MYO10: variants seen among roughly 807,000 people sequenced by gnomAD.
The protein encoded by MYO10 is unconventional myosin-X.
A neutral mutation model predicts 257.3 loss-of-function variants in MYO10; 133 were observed. The observed-to-expected ratio is 0.52, with a 90% CI of 0.45 to 0.60. The LOEUF (loss-of-function observed/expected upper bound fraction) is 0.60, where lower values mean the gene tolerates loss of function less well. Ranked by LOEUF, MYO10 falls within the 20% of genes least tolerant of loss-of-function variation. MYO10 has a pLI of 0.00. For synonymous variants in MYO10, 1,104 were observed against 1,028.6 expected (o/e 1.07, Z -1.40); for missense variants, 2,399 against 2,635.7 (o/e 0.91, Z 1.97).
chr5:16,906,832 C>G (rs973532395), intron 1 of MYO10, among the ~76,000 whole-genome samples: 11 of 152,178 alleles, frequency 7.2e-5, no homozygotes, highest in Admixed American at 1.3e-4. Context: ...AAGTATCTGG[C>G]CAGGCACGGT....
chr5:16,863,106 C>G (rs1744151754), intron 2 of MYO10, among the ~76,000 whole-genome samples: 1 of 152,286 alleles, frequency 6.6e-6, no homozygotes, highest in East Asian at 1.9e-4. Context: ...CTAGGAAGAT[C>G]CACTAAGAAG....
In MYO10 at chr5:16,735,390, G is replaced by A. The variant is rs191863115; in HGVS notation, c.1929+19438C>T. On this transcript the variant is annotated intron_variant, in intron 19 of 40. Transcript: ENST00000513610. ...CGAGAAAACCGTGGGACCAGGCCAC[G>A]GTGGTGAATGTTGTTTAAAAATGCT... 5.3e-5 allele frequency among the ~76,000 whole-genome samples: 8 copies of A among 152,086 alleles called. No individual in the cohort carries two copies. The East Asian group carries it at 7.7e-4, about 15-fold the overall frequency.
chr5:16,667,471 T>TGGCA (rs1736226978), intron 40 of MYO10, among the ~76,000 whole-genome samples: 1 of 152,162 alleles, frequency 6.6e-6, no homozygotes, highest in African/African-American at 2.4e-5. Context: ...TGTCTGTAAA[T>TGGCA]TCACTGTTAT....
chr5:16,857,452 C>G (rs144492733), intron 2 of MYO10, among the ~76,000 whole-genome samples: 1,851 of 152,250 alleles, frequency 0.012, 32 homozygotes, highest in Middle Eastern at 0.034. Flanking sequence ...AAACAAATCC[C>G]CACACATAGC....
intron 26 of MYO10, among the ~76,000 whole-genome samples, chr5:16,696,124 C>T (rs1279620898): frequency 2.6e-5 from 4 of 152,180 alleles, no homozygotes; most frequent in East Asian, 1.9e-4. Context: ...AGAGTCATCA[C>T]GACAGCTCTC....
chr5:16,784,095 A>G (rs995111209), intron 4 of MYO10, among the ~76,000 whole-genome samples: 8 of 152,224 alleles, frequency 5.3e-5, no homozygotes, highest in Admixed American at 1.3e-4. Flanking sequence ...CAAGTGAACA[A>G]AAAATCCAGA....
intron 28 of MYO10, among the ~76,000 whole-genome samples, chr5:16,686,893 A>C (rs1156394006): frequency 2.0e-5 from 3 of 152,170 alleles, no homozygotes; most frequent in Non-Finnish European, 4.4e-5. Context: ...ATTTCTACTC[A>C]AGTCAATAAA....
chr5:16,783,267 T>C, intron 5 of MYO10, 68 bp downstream of exon 5: 1 of 1,428,284 alleles, frequency 7.0e-7, no homozygotes, highest in Non-Finnish European at 9.3e-7. Flanking sequence ...TTTTAACTCT[T>C]CTTTAAATAA....
chr5:16,700,678 A>C (rs1328195345), intron 25 of MYO10, among the ~76,000 whole-genome samples: 2 of 152,190 alleles, frequency 1.3e-5, no homozygotes, highest in African/African-American at 4.8e-5. Context: ...TCCACCTCAA[A>C]AACAACAACA....
intron 3 of MYO10, among the ~76,000 whole-genome samples, chr5:16,811,443 T>C (rs1340470363): frequency 6.6e-6 from 1 of 152,230 alleles, no homozygotes; most frequent in Non-Finnish European, 1.5e-5. Flanking sequence ...TCTGATTCCA[T>C]GAGCAAAGAC....
chr5:16,863,223 G>A (rs921871218), intron 2 of MYO10, among the ~76,000 whole-genome samples: 6 of 152,318 alleles, frequency 3.9e-5, no homozygotes, highest in Admixed American at 3.9e-4. Flanking sequence ...ATGTGCATTC[G>A]GCTAGAACCT....
At chr5:16,712,881 A>G (rs1356046841) in intron 19 of MYO10, among the ~76,000 whole-genome samples, 1 of 152,244 alleles carries the variant, frequency 6.6e-6, no homozygotes. Context: ...GAAAAGTAAG[A>G]AAAGCATAAA....
intron 39 of MYO10, among the ~76,000 whole-genome samples, chr5:16,669,801 C>T (rs530760961): frequency 1.3e-5 from 2 of 152,262 alleles, no homozygotes; most frequent in African/African-American, 4.8e-5. Flanking sequence ...GGAAGCTAAT[C>T]TAGACGATGA....
chr5:16,823,468 A>ATTTTTT (rs1173952251), intron 2 of MYO10, among the ~76,000 whole-genome samples: 955 of 6,428 alleles, frequency 0.15, 337 homozygotes, highest in African/African-American at 0.35. Context: ...GGGAGTGGGG[A>ATTTTTT]TTTTTTTTTT....
At chr5:16,814,143 A>G (rs928929569) in intron 3 of MYO10, among the ~76,000 whole-genome samples, 3 of 151,986 alleles carry the variant, frequency 2.0e-5, no homozygotes, top group African/African-American at 7.2e-5. Flanking sequence ...TGTAATCTTC[A>G]TTTATTTATT....
intron 39 of MYO10, among the ~76,000 whole-genome samples, chr5:16,669,247 T>A (rs569638263): frequency 6.6e-6 from 1 of 151,416 alleles, no homozygotes; most frequent in Non-Finnish European, 1.5e-5. Flanking sequence ...GGAGTCTCAC[T>A]CTGTCGCCCA....
Position 16,685,493 on chromosome 5 carries a change from T to G in MYO10, c.3990+245A>C, listed in dbSNP as rs186190519. Among the ~76,000 whole-genome samples the G allele has an allele frequency of 2.0e-5, 3 of 152,332 alleles. No homozygotes were observed. In the East Asian group the frequency reaches 5.8e-4, roughly 29 times the overall value. On this transcript the variant is annotated intron_variant, in intron 29 of 40. Transcript: ENST00000513610. ...TCCCAAAGTGCTGGGACTACAGGCA[T>G]GAGCCACAGTGTCCAACTTAATTTA...
chr5:16,736,266 G>C (rs1359736316), intron 19 of MYO10, among the ~76,000 whole-genome samples: 1 of 152,194 alleles, frequency 6.6e-6, no homozygotes, highest in East Asian at 1.9e-4. Context: ...TATTTTAATT[G>C]AGCATGAGAA....
intron 19 of MYO10, among the ~76,000 whole-genome samples, chr5:16,715,983 G>A (rs1738853152): frequency 6.6e-6 from 1 of 151,542 alleles, no homozygotes; most frequent in African/African-American, 2.4e-5. Context: ...TTGAACCCAG[G>A]AGGCAGAGGT....
Sources: allele counts gnomAD v4.1 joint callset (sites outside exome capture counted in the v4.1 genomes callset), GRCh38; gene constraint gnomAD v4.1.1; transcripts MANE v1.5; gene names NCBI Gene and HGNC (gene_info 2026-07-23, HGNC 2026-07-21).